CRMP1: variants seen among roughly 807,000 people sequenced by gnomAD.
The protein encoded by CRMP1 is collapsin response mediator protein 1.
A neutral mutation model predicts 68.3 loss-of-function variants in CRMP1; 19 were observed. The ratio of observed to expected loss-of-function variants is 0.28; its 90% confidence interval spans 0.19 to 0.41. The LOEUF (loss-of-function observed/expected upper bound fraction) is 0.41. CRMP1 is among the 10% of genes least tolerant of loss of function. The probability of loss-of-function intolerance (pLI) is 1.00; values close to 1 mark genes in which losing one functional copy is unlikely to be tolerated. For synonymous variants in CRMP1, 439 were observed against 399.6 expected (o/e 1.10, Z -1.18); for missense variants, 791 against 967.4 (o/e 0.82, Z 2.42).
Position 5,888,299 on chromosome 4 carries a change from A to G in CRMP1, c.381+4290T>C. 1 of 1,257,236 alleles carries G rather than the reference A, an allele frequency of 8.0e-7. No homozygotes were observed. The highest frequency in any genetic ancestry group is 1.0e-6 in the Non-Finnish European group (1 of 995,312). 77.9% of individuals were successfully genotyped at this position (1,257,236 alleles called of 1,614,324 possible). A position where few individuals can be genotyped will look rare whatever the true frequency, so the allele number is the denominator to read the frequency against. On this transcript the variant is annotated intron_variant, in intron 1 of 13. Coordinates refer to ENST00000324989, the MANE Select transcript of CRMP1 (RefSeq NM_001014809.3). This position sits in a 1 kb window ranked among gnomAD's most constrained non-coding sequence, Gnocchi z 6.4. ...TCTGGCGCCCTCGGCCCGGCCGCTG[A>G]CCTGCGGGGCTGTCTGACTGGAACC...
chr4:5,834,536 C>T lies in CRMP1; in HGVS notation c.1623+1379G>A, dbSNP rs569743166. ...TACTGAAATTCCCAGCCTCCAGAACCGTGAGCCACATAAATTTATTTTCTT... is the reference window on the plus strand; with the variant it reads ...TACTGAAATTCCCAGCCTCCAGAACTGTGAGCCACATAAATTTATTTTCTT... On this transcript the variant is annotated intron_variant, in intron 11 of 13. Coordinates refer to ENST00000324989, the MANE Select transcript of CRMP1 (RefSeq NM_001014809.3). This position sits in a 1 kb window ranked among gnomAD's most constrained non-coding sequence, Gnocchi z 4.3. Among the ~76,000 whole-genome samples, 6 of 152,230 alleles carry T rather than the reference C, an allele frequency of 3.9e-5. 1 individual carries two copies. The highest frequency in any genetic ancestry group is 7.4e-5 in the Non-Finnish European group (5 of 68,024).
At position 5,858,829 on chromosome 4, in the gene CRMP1, G is replaced by A. The variant is rs58412600; in HGVS notation, c.655+2197C>T. Among the ~76,000 whole-genome samples the A allele has an allele frequency of 4.1e-4, 63 of 152,160 alleles. No individual in the cohort carries two copies. The East Asian group carries it at 0.011, about 26-fold the overall frequency. ...TCACAGGATGTCATCCCTCAATCTC[G>A]ACACCCCTGCACCGTGGGCCTCCCT... On this transcript the variant is annotated intron_variant, in intron 3 of 13. Transcript: ENST00000324989. The surrounding 1 kb of genome is among the most constrained non-coding windows in gnomAD (Gnocchi z 5.5).
At chr4:5,844,369 G>C (rs1712023581) in intron 6 of CRMP1, among the ~76,000 whole-genome samples, 1 of 135,316 alleles carries the variant, frequency 7.4e-6, no homozygotes, top group South Asian at 2.9e-4. Context: ...GCAGGGGAGG[G>C]AAGGGGAATG....
Position 5,839,519 on chromosome 4 carries a change from C to T in CRMP1, c.1310+3G>A. 6.2e-7 allele frequency: 1 copy of T among 1,605,226 alleles called. No individual in the cohort carries two copies. The highest frequency in any genetic ancestry group is 8.5e-7 in the Non-Finnish European group (1 of 1,176,046). On this transcript the variant is annotated splice_donor_region_variant and intron_variant, in intron 9 of 13. Transcript: ENST00000324989. ...CCCAGCCCCACGTTCTCACAGGTCT[C>T]ACCAGGCCAGTAGGGAGGTCAAGTA...
At chr4:5,849,512 A>C in intron 5 of CRMP1, 40 bp from the exon 6 acceptor site, 1 of 1,427,962 alleles carries the variant, frequency 7.0e-7, no homozygotes, top group East Asian at 2.3e-5. Flanking sequence ...AGATTTAAAA[A>C]AAAAAAAAAA....
At position 5,856,325 on chromosome 4, in the gene CRMP1, G is replaced by C; in HGVS notation, c.656-18C>G. 6.2e-7 allele frequency: 1 copy of C among 1,610,888 alleles called. No individual in the cohort carries two copies. The highest frequency in any genetic ancestry group is 1.1e-5 in the South Asian group (1 of 90,700). On this transcript the variant is annotated intron_variant, in intron 3 of 13. Coordinates refer to ENST00000324989, the MANE Select transcript of CRMP1 (RefSeq NM_001014809.3). ...ATGGTCAACTGGGACAGAGAAATAT[G>C]CATCATGATGCTTCAGACTCAAGTG...
At chr4:5,835,789 C>G (rs1307626195) in intron 11 of CRMP1, 126 bp downstream of exon 11, 10 of 1,137,056 alleles carry the variant, frequency 8.8e-6, no homozygotes, top group Non-Finnish European at 1.2e-5. Flanking sequence ...ATGGGAATGA[C>G]TGAGTCAGGC....
rs1221128528 is a variant in CRMP1 at position 5,825,775 on chromosome 4, T to TGC, written c.1804-118_1804-117dup. ...AACCTGAGGTCACTTCAAATGTGCA[T>TGC]GCACACACACACACAACACGCACAC... On this transcript the variant is annotated intron_variant, in intron 12 of 13. Transcript: ENST00000324989. This position sits in a 1 kb window ranked among gnomAD's most constrained non-coding sequence, Gnocchi z 4.4. The TGC allele has an allele frequency of 2.0e-5, 19 of 967,792 alleles. No individual in the cohort carries two copies. The highest frequency in any genetic ancestry group is 3.1e-6 in the Non-Finnish European group (2 of 652,596). 60.0% of individuals were successfully genotyped at this position (967,792 alleles called of 1,614,324 possible). A position where few individuals can be genotyped will look rare whatever the true frequency, so the allele number is the denominator to read the frequency against.
intron 13 of CRMP1, among the ~76,000 whole-genome samples, chr4:5,822,491 GA>G (rs1335688548): frequency 7.9e-6 from 1 of 126,926 alleles, no homozygotes; most frequent in African/African-American, 4.1e-5. Context: ...AGGTGGATCT[GA>G]AGGGGGGGGG....
At position 5,821,837 on chromosome 4, in the gene CRMP1, C is replaced by CATCT; in HGVS notation, c.1980_1983dup (p.Asp662ArgfsTer2). The CATCT allele has an allele frequency of 1.9e-6, 3 of 1,589,510 alleles. No individual in the cohort carries two copies. The highest frequency in any genetic ancestry group is 2.6e-6 in the Non-Finnish European group (3 of 1,170,918). On this transcript the variant is annotated frameshift_variant, in exon 14 of 14. Coordinates refer to ENST00000324989, the MANE Select transcript of CRMP1 (RefSeq NM_001014809.3). LOFTEE classifies it high-confidence loss of function. This position sits in a 1 kb window ranked among gnomAD's most constrained non-coding sequence, Gnocchi z 4.4. Reference sequence around the variant, plus strand: ...TGGCCGGTGCGCCTGGGATTGTTGTCATCTATCTGGGCACCTGAAAGAGAG... The same window carrying CATCT: ...TGGCCGGTGCGCCTGGGATTGTTGTCATCTATCTATCTGGGCACCTGAAAGAGAG...
rs71171489 is a variant in CRMP1, at chr4:5,842,428, C to CAAAAAAA, written c.1032+658_1032+664dup. Among the ~76,000 whole-genome samples the CAAAAAAA allele has an allele frequency of 1.0e-5, 1 of 99,100 alleles. No homozygotes were observed. Among genetic ancestry groups the CAAAAAAA allele is most frequent in the Non-Finnish European group, 2.1e-5 (1 of 47,658 alleles). The allele number at this position is 99,100 out of a possible 152,430, so 65.0% of individuals were successfully genotyped here. ...TGGGCAACAGAGAGAGACTCCATCT[C>CAAAAAAA]AAAAAAAAAAAAAAAAAAAGAAAAG... is the stretch of plus-strand genomic sequence containing the variant. On this transcript the variant is annotated intron_variant, in intron 7 of 13. Transcript: ENST00000324989. This position sits in a 1 kb window ranked among gnomAD's most constrained non-coding sequence, Gnocchi z 4.5.
intron 1 of CRMP1, chr4:5,887,344 C>T (rs562152308): frequency 4.1e-6 from 4 of 984,492 alleles, no homozygotes; most frequent in East Asian, 1.1e-4. Context: ...AGGATTCCAC[C>T]ACGCCCAGAA....
At chr4:5,836,928 A>ACC in intron 9 of CRMP1, 22 bp from the exon 10 acceptor site, 1 of 1,596,660 alleles carries the variant, frequency 6.3e-7, no homozygotes, top group South Asian at 1.1e-5. Flanking sequence ...AAAACAAGGT[A>ACC]GAGTTCAGAC....
rs563634612 is a variant in CRMP1 at position 5,873,710 on chromosome 4, T to C, written c.382-6954A>G. On this transcript the variant is annotated intron_variant, in intron 1 of 13. Coordinates refer to ENST00000324989, the MANE Select transcript of CRMP1 (RefSeq NM_001014809.3). ...GGGCACTACAATTCAACTTGAGATT[T>C]GGGTGGGGACAGAGATCCAGACCAT... Among the ~76,000 whole-genome samples, 11 of 152,250 alleles carry C rather than the reference T, an allele frequency of 7.2e-5. No individual in the cohort carries two copies. In the South Asian group the frequency reaches 2.3e-3, roughly 32 times the overall value.
intron 11 of CRMP1, 68 bp from the exon 12 acceptor site, chr4:5,828,736 G>C: frequency 6.5e-7 from 1 of 1,538,556 alleles, no homozygotes; most frequent in Non-Finnish European, 8.8e-7. Context: ...TCATAACAGC[G>C]ATTTTGCCTA....
chr4:5,822,814 A>G (rs1462622572), intron 13 of CRMP1, among the ~76,000 whole-genome samples: 1 of 152,174 alleles, frequency 6.6e-6, no homozygotes, highest in African/African-American at 2.4e-5. Flanking sequence ...TTATCACCAG[A>G]TCCTCAGCTA....
intron 11 of CRMP1, among the ~76,000 whole-genome samples, chr4:5,832,187 G>A (rs1560487785): frequency 1.3e-5 from 2 of 152,244 alleles, no homozygotes; most frequent in African/African-American, 4.8e-5. Context: ...GAGAGGGACT[G>A]ATTGTTCATG....
intron 10 of CRMP1, 81 bp downstream of exon 10, chr4:5,836,684 A>G: frequency 6.2e-7 from 1 of 1,603,668 alleles, no homozygotes; most frequent in East Asian, 2.2e-5. Flanking sequence ...ACTTTTAAGA[A>G]CCCAGCGTGC....
chr4:5,889,818 C>A lies in CRMP1; in HGVS notation c.381+2771G>T. The A allele has an allele frequency of 6.7e-7, 1 of 1,500,718 alleles. No homozygotes were observed. The allele number at this position is 1,500,718 out of a possible 1,614,324, so 93.0% of individuals were successfully genotyped here. ...CACCCCAGGGGCCAGTCCCCTAATC[C>A]AGGGCAGGAGGCCAGAGACACCTGG... On this transcript the variant is annotated intron_variant, in intron 1 of 13. Transcript: ENST00000324989. The surrounding 1 kb of genome is among the most constrained non-coding windows in gnomAD (Gnocchi z 4.5).
Sources: allele counts gnomAD v4.1 joint callset (sites outside exome capture counted in the v4.1 genomes callset), GRCh38; gene constraint gnomAD v4.1.1; non-coding constraint Gnocchi (gnomAD v3.1); transcripts MANE v1.5; gene names NCBI Gene and HGNC (gene_info 2026-07-23, HGNC 2026-07-21).